WDR33: variants seen among roughly 807,000 people sequenced by gnomAD.
The protein encoded by WDR33 is pre-mRNA 3' end processing protein WDR33.
A neutral mutation model predicts 164.9 loss-of-function variants in WDR33; 47 were observed. The observed-to-expected ratio is 0.29, with a 90% CI of 0.23 to 0.36. The LOEUF (loss-of-function observed/expected upper bound fraction) is 0.36. Among genes scored for constraint, WDR33 ranks in the 10% least tolerant of loss-of-function variants. WDR33 has a pLI of 1.00. For missense variants in WDR33, 1,137 were observed against 1,754.1 expected (o/e 0.65, Z 6.28); for synonymous variants, 505 against 589.0 (o/e 0.86, Z 2.06).
chr2:127,708,833 G>A lies in WDR33; in HGVS notation c.3625C>T (p.His1209Tyr). The change falls in exon 21 of 22, where the codon CAT (histidine) becomes TAT (tyrosine). Residue 1209 changes from histidine (H) to tyrosine (Y), a missense_variant. This residue lies in a region of WDR33 where 867 missense variants were observed against 1,073.0 expected (regional missense o/e 0.81). Coordinates refer to ENST00000322313, the MANE Select transcript of WDR33 (RefSeq NM_018383.5). This position sits in a 1 kb window ranked among gnomAD's most constrained non-coding sequence, Gnocchi z 6.7. ...PRPDHPPHDG[H>Y]SPASRERSSS... ...GAGCGTTCTCTGCTGGCTGGGGAATGACCGTCGTGAGGGGGATGATCAGGG... is the reference window on the plus strand; with the variant it reads ...GAGCGTTCTCTGCTGGCTGGGGAATAACCGTCGTGAGGGGGATGATCAGGG... 4 of 1,611,980 alleles carry A rather than the reference G, an allele frequency of 2.5e-6. No homozygotes were observed. The highest frequency in any genetic ancestry group is 3.4e-6 in the Non-Finnish European group (4 of 1,178,618).
At chr2:127,725,594 C>T (rs772024035) in intron 8 of WDR33, among the ~76,000 whole-genome samples, 4 of 151,988 alleles carry the variant, frequency 2.6e-5, no homozygotes, top group Non-Finnish European at 5.9e-5. Flanking sequence ...ATTAGCCAGG[C>T]GTGATGGCGC....
At chr2:127,808,467 C>A (rs1401177505) in intron 1 of WDR33, among the ~76,000 whole-genome samples, 6 of 152,124 alleles carry the variant, frequency 3.9e-5, no homozygotes, top group African/African-American at 1.2e-4. Context: ...CAGTCACTAC[C>A]AGAAAATTAG....
Position 127,768,311 on chromosome 2 carries a change from TG to T in WDR33, c.274-19del. 1 of 1,496,660 alleles carries T rather than the reference TG, an allele frequency of 6.7e-7. No homozygotes were observed. The highest frequency in any genetic ancestry group is 9.0e-7 in the Non-Finnish European group (1 of 1,109,480). The allele number at this position is 1,496,660 out of a possible 1,614,324, so 92.7% of individuals were successfully genotyped here. A position where few individuals can be genotyped will look rare whatever the true frequency, so the allele number is the denominator to read the frequency against. On this transcript the variant is annotated intron_variant, in intron 3 of 21. Transcript: ENST00000322313. Reference sequence around the variant, plus strand: ...GGGACCAGCTACAAAAAAGGAAAATTGGGTTCTTAGAGCTCCTGATTACATA... The same window carrying T: ...GGGACCAGCTACAAAAAAGGAAAATTGGTTCTTAGAGCTCCTGATTACATA...
intron 1 of WDR33, among the ~76,000 whole-genome samples, chr2:127,787,151 T>C (rs1166943791): frequency 2.2e-5 from 2 of 90,738 alleles, no homozygotes; most frequent in Non-Finnish European, 4.3e-5. Flanking sequence ...ACAGCACATG[T>C]TTCAGAGAGC....
chr2:127,769,039 A>AAATG, intron 2 of WDR33, 38 bp from the exon 3 acceptor site: 1 of 1,191,504 alleles, frequency 8.4e-7, no homozygotes, highest in Admixed American at 2.9e-5. Context: ...ATAAATAAAT[A>AAATG]GATCAATTAA....
At chr2:127,768,860 G>A in intron 3 of WDR33, 73 bp downstream of exon 3, 1 of 1,134,848 alleles carries the variant, frequency 8.8e-7, no homozygotes, top group South Asian at 1.3e-5. Context: ...TGGACTTGAA[G>A]TCACACAGTG....
chr2:127,809,589 C>G (rs1248491660), intron 1 of WDR33, among the ~76,000 whole-genome samples: 1 of 152,014 alleles, frequency 6.6e-6, no homozygotes, highest in Non-Finnish European at 1.5e-5. Context: ...GCGCCCACCA[C>G]CACACCCAGC....
At position 127,704,268 on chromosome 2, in the gene WDR33, A is replaced by C. The variant is rs1685961050; in HGVS notation, c.*2055T>G. 6.0e-6 allele frequency: 1 copy of C among 166,906 alleles called. No individual in the cohort carries two copies. The highest frequency in any genetic ancestry group is 2.1e-4 in the South Asian group (1 of 4,822). The allele number at this position is 166,906 out of a possible 1,614,324, so 10.3% of individuals were successfully genotyped here. A position where few individuals can be genotyped will look rare whatever the true frequency, so the allele number is the denominator to read the frequency against. On this transcript the variant is annotated 3_prime_UTR_variant, in exon 22 of 22. Coordinates refer to ENST00000322313, the MANE Select transcript of WDR33 (RefSeq NM_018383.5). Reference sequence around the variant, plus strand: ...ATGTAGAGGTTTATTGTTTAAATGAATTCACTCTCAAAATGTGATCTGTCA... The same window carrying C: ...ATGTAGAGGTTTATTGTTTAAATGACTTCACTCTCAAAATGTGATCTGTCA...
chr2:127,758,141 A>G (rs1687573181), intron 7 of WDR33, among the ~76,000 whole-genome samples: 1 of 152,172 alleles, frequency 6.6e-6, no homozygotes, highest in Admixed American at 6.5e-5. Context: ...TTTTTGCTAA[A>G]TATATTATAC....
intron 7 of WDR33, among the ~76,000 whole-genome samples, chr2:127,749,136 G>C (rs1228901232): frequency 6.6e-6 from 1 of 152,116 alleles, no homozygotes; most frequent in Non-Finnish European, 1.5e-5. Flanking sequence ...AGGAGTTTGA[G>C]ATCAGCTTAA....
chr2:127,747,545 AATG>A (rs1047532098), intron 7 of WDR33, among the ~76,000 whole-genome samples: 4 of 152,216 alleles, frequency 2.6e-5, no homozygotes, highest in African/African-American at 9.6e-5. Context: ...TGAAGATTTC[AATG>A]ATGATACATG....
intron 18 of WDR33, among the ~76,000 whole-genome samples, chr2:127,711,137 C>T (rs1686150413): frequency 6.6e-6 from 1 of 152,068 alleles, no homozygotes; most frequent in Non-Finnish European, 1.5e-5. Flanking sequence ...CAAATCAAGA[C>T]AGGATGGCCG....
chr2:127,800,536 C>T (rs1207095408), intron 1 of WDR33, among the ~76,000 whole-genome samples: 1 of 150,934 alleles, frequency 6.6e-6, no homozygotes, highest in Non-Finnish European at 1.5e-5. Flanking sequence ...ACTCGAGAGG[C>T]TGAGGCAGGA....
At position 127,712,956 on chromosome 2, in the gene WDR33, TA is replaced by T. The variant is rs1686216877; in HGVS notation, c.3308+626del. Among the ~76,000 whole-genome samples, 1 of 152,134 alleles carries T rather than the reference TA, an allele frequency of 6.6e-6. No homozygotes were observed. The highest frequency in any genetic ancestry group is 6.6e-5 in the Admixed American group (1 of 15,262). On this transcript the variant is annotated intron_variant, in intron 18 of 21. Transcript: ENST00000322313. This position sits in a 1 kb window ranked among gnomAD's most constrained non-coding sequence, Gnocchi z 4.0. ...TTTTTTTGTAGAGATGGAGTTACACTATGTCGTTCAGGCTGTTCTTCAATTC... is the reference window on the plus strand; with the variant it reads ...TTTTTTTGTAGAGATGGAGTTACACTTGTCGTTCAGGCTGTTCTTCAATTC...
chr2:127,780,221 C>T (rs1242672210), intron 1 of WDR33, among the ~76,000 whole-genome samples: 1 of 152,120 alleles, frequency 6.6e-6, no homozygotes. Flanking sequence ...GATCCGCCCA[C>T]CTCGGCCTCC....
rs767701294 is a variant in WDR33, at chr2:127,725,209, G to A, written c.858C>T (p.Ala286=). The part of the protein sequence containing the change: ...KTGQSLATLH[A]HKNTVMEVKL... The stretch of plus-strand genomic sequence containing the variant: ...TCACTTCCATTACTGTGTTTTTATG[G>A]GCATGACTAGAAACAAAGTATCAAA... Residue 286 remains alanine (A), a synonymous_variant, in exon 9 of 22, where the codon GCC becomes GCT. Transcript: ENST00000322313. The A allele has an allele frequency of 1.2e-5, 19 of 1,593,240 alleles. 1 individual carries two copies. In the South Asian group the frequency reaches 2.1e-4, roughly 17 times the overall value.
At chr2:127,758,835 T>C (rs1687595771) in intron 7 of WDR33, among the ~76,000 whole-genome samples, 1 of 152,158 alleles carries the variant, frequency 6.6e-6, no homozygotes, top group African/African-American at 2.4e-5. Flanking sequence ...ATTGTGAAAA[T>C]ATCTCACCTT....
chr2:127,786,011 A>G (rs1365550992), intron 1 of WDR33, among the ~76,000 whole-genome samples: 1 of 152,194 alleles, frequency 6.6e-6, no homozygotes, highest in Non-Finnish European at 1.5e-5. Context: ...TTGCCATTCT[A>G]AAAGGTCTGT....
chr2:127,764,810 G>A lies in WDR33; in HGVS notation c.626+18C>T, dbSNP rs1217858998. Reference sequence around the variant, plus strand: ...CATGACAATAGGGACTACAGAAAATGGTATATTGTGTATAAACCTGGCCTC... The same window carrying A: ...CATGACAATAGGGACTACAGAAAATAGTATATTGTGTATAAACCTGGCCTC... On this transcript the variant is annotated intron_variant, in intron 6 of 21. Transcript: ENST00000322313. The surrounding 1 kb of genome is among the most constrained non-coding windows in gnomAD (Gnocchi z 6.2). 18 of 1,614,116 alleles carry A rather than the reference G, an allele frequency of 1.1e-5. No individual in the cohort carries two copies. The highest frequency in any genetic ancestry group is 1.4e-5 in the Non-Finnish European group (17 of 1,180,008).
Sources: allele counts gnomAD v4.1 joint callset (sites outside exome capture counted in the v4.1 genomes callset), GRCh38; gene constraint gnomAD v4.1.1; regional missense constraint gnomAD v4.1.1; non-coding constraint Gnocchi (gnomAD v3.1); transcripts MANE v1.5; gene names NCBI Gene and HGNC (gene_info 2026-07-23, HGNC 2026-07-21).